Variants in MARCHF4 observed in about 807,000 individuals in gnomAD.
MARCHF4 encodes membrane associated ring-CH-type finger 4, also known as E3 ubiquitin-protein ligase MARCHF4.
In MARCHF4, 14 loss-of-function variants were observed where a neutral mutation model predicts 43.9. That is an observed-to-expected ratio of 0.32 (90% CI 0.21 to 0.50). The LOEUF is 0.50. Ranked by LOEUF, MARCHF4 falls within the 20% of genes least tolerant of loss-of-function variation. MARCHF4 has a pLI of 0.98. For missense variants in MARCHF4, 468 were observed against 536.7 expected (o/e 0.87, Z 1.27); for synonymous variants, 226 against 213.3 (o/e 1.06, Z -0.52).
intron 1 of MARCHF4, among the ~76,000 whole-genome samples, chr2:216,306,738 T>G (rs1286886239): frequency 1.3e-5 from 2 of 152,180 alleles, no homozygotes; most frequent in Non-Finnish European, 2.9e-5. Flanking sequence ...ATTTTATAGA[T>G]AAGTGAACTG....
At chr2:216,265,521 G>A (rs988126667) in intron 3 of MARCHF4, 6 of 151,518 alleles carry the variant, frequency 4.0e-5, no homozygotes, top group Non-Finnish European at 8.8e-5. Flanking sequence ...TTTTTGACAG[G>A]GTCTCTCTCT....
In MARCHF4 at chr2:216,275,651, G is replaced by A. The variant is rs187050881; in HGVS notation, c.865+2021C>T. Among the ~76,000 whole-genome samples the A allele has an allele frequency of 2.0e-3, 307 of 152,114 alleles. 2 individuals are homozygous for A. The highest frequency in any genetic ancestry group is 7.2e-3 in the African/African-American group (299 of 41,430). On this transcript the variant is annotated intron_variant, in intron 3 of 3. Transcript: ENST00000273067. ...TGGTGGTCTCTTCTATATTCAATTC[G>A]GTCTTCAAATCTGTAGAGCCATTGG... is the stretch of plus-strand genomic sequence containing the variant.
Position 216,297,968 on chromosome 2 carries a change from T to C in MARCHF4, c.517-14239A>G, listed in dbSNP as rs1310618310. The stretch of plus-strand genomic sequence containing the variant: ...TTTTGCCATGCTTTTTAGGCCTATA[T>C]TTCACTTAATTAATAGCTGGTATAT... On this transcript the variant is annotated intron_variant, in intron 1 of 3. Coordinates refer to ENST00000273067, the MANE Select transcript of MARCHF4 (RefSeq NM_020814.3). 2.6e-5 allele frequency among the ~76,000 whole-genome samples: 4 copies of C among 152,194 alleles called. No homozygotes were observed. In the East Asian group the frequency reaches 7.7e-4, roughly 29 times the overall value.
chr2:216,289,908 A>T (rs1559090766), intron 1 of MARCHF4, among the ~76,000 whole-genome samples: 1 of 152,210 alleles, frequency 6.6e-6, no homozygotes, highest in Non-Finnish European at 1.5e-5. Context: ...AATCTCAGGA[A>T]GACTTGGGTA....
At position 216,312,206 on chromosome 2, in the gene MARCHF4, A is replaced by G. The variant is rs543842556; in HGVS notation, c.517-28477T>C. On this transcript the variant is annotated intron_variant, in intron 1 of 3. Transcript: ENST00000273067. ...TGTTTAACTCCCATTTATAATTGGG[A>G]ACATGTAGTTTTCTGTGTCTGGGTT... Among the ~76,000 whole-genome samples, 6 of 152,270 alleles carry G rather than the reference A, an allele frequency of 3.9e-5. No homozygotes were observed. The East Asian group carries it at 1.2e-3, about 29-fold the overall frequency.
chr2:216,346,807 CA>C (rs1692327631), intron 1 of MARCHF4, among the ~76,000 whole-genome samples: 1 of 152,086 alleles, frequency 6.6e-6, no homozygotes, highest in African/African-American at 2.4e-5. Flanking sequence ...GAGAGGTAGG[CA>C]GAGGGCAGTT....
intron 1 of MARCHF4, among the ~76,000 whole-genome samples, chr2:216,349,393 G>A (rs1315744888): frequency 6.6e-6 from 1 of 152,190 alleles, no homozygotes; most frequent in Admixed American, 6.5e-5. Flanking sequence ...GAGCCTCTGC[G>A]ATTGCTAGGC....
At chr2:216,357,244 G>A (rs528808667) in intron 1 of MARCHF4, among the ~76,000 whole-genome samples, 3 of 152,208 alleles carry the variant, frequency 2.0e-5, no homozygotes, top group East Asian at 1.9e-4. Context: ...ATTATACATT[G>A]TATTTAATTG....
chr2:216,354,230 G>C (rs777014484), intron 1 of MARCHF4, among the ~76,000 whole-genome samples: 3 of 152,242 alleles, frequency 2.0e-5, no homozygotes, highest in Non-Finnish European at 1.5e-5. Flanking sequence ...TTTGAAATGC[G>C]GTGAGAGAGA....
chr2:216,275,257 A>G (rs1046194378), intron 3 of MARCHF4, among the ~76,000 whole-genome samples: 7 of 152,176 alleles, frequency 4.6e-5, no homozygotes, highest in African/African-American at 1.7e-4. Context: ...AAACAGGAGG[A>G]GGAGGAGAGG....
rs146193021 is a variant in MARCHF4, at chr2:216,319,177, G to A, written c.517-35448C>T. ...ACAAAAATTAGCCCAGTGTGGTGGC[G>A]GGTGCCTGTAATCCCAGCTATTTGG... On this transcript the variant is annotated intron_variant, in intron 1 of 3. Coordinates refer to ENST00000273067, the MANE Select transcript of MARCHF4 (RefSeq NM_020814.3). 1.7e-4 allele frequency among the ~76,000 whole-genome samples: 26 copies of A among 152,138 alleles called. 1 individual carries two copies. The highest frequency in any genetic ancestry group is 8.3e-4 in the South Asian group (4 of 4,812).
At position 216,370,425 on chromosome 2, in the gene MARCHF4, A is replaced by C. The variant is rs1040588392; in HGVS notation, c.-165T>G. On this transcript the variant is annotated 5_prime_UTR_variant, in exon 1 of 4. Transcript: ENST00000273067. ...AAGTAGCAAATAAATTGCTCCCAGGACTGAGAAGTGTGAGTCACTGGTTCT... is the reference window on the plus strand; with the variant it reads ...AAGTAGCAAATAAATTGCTCCCAGGCCTGAGAAGTGTGAGTCACTGGTTCT... 1.8e-6 allele frequency: 1 copy of C among 555,150 alleles called. No homozygotes were observed. Among genetic ancestry groups the C allele is most frequent in the African/African-American group, 1.9e-5 (1 of 52,636 alleles). 34.4% of individuals were successfully genotyped at this position (555,150 alleles called of 1,614,324 possible).
intron 1 of MARCHF4, among the ~76,000 whole-genome samples, chr2:216,355,966 C>G (rs1182526464): frequency 4.6e-5 from 7 of 152,242 alleles, no homozygotes; most frequent in Non-Finnish European, 1.5e-5. Context: ...TACACTCATT[C>G]ACCTGCCGCT....
chr2:216,341,306 C>T (rs1692232349), intron 1 of MARCHF4, among the ~76,000 whole-genome samples: 1 of 152,172 alleles, frequency 6.6e-6, no homozygotes, highest in Admixed American at 6.5e-5. Context: ...CTTTGGCTAC[C>T]CACAAGGCAA....
intron 1 of MARCHF4, among the ~76,000 whole-genome samples, chr2:216,350,374 T>C (rs1189000320): frequency 2.3e-5 from 3 of 130,776 alleles, no homozygotes; most frequent in Non-Finnish European, 4.8e-5. Flanking sequence ...ACTCCCTCAC[T>C]ATGCCACATC....
intron 1 of MARCHF4, among the ~76,000 whole-genome samples, chr2:216,358,984 T>G (rs1174147311): frequency 1.3e-5 from 2 of 152,212 alleles, no homozygotes. Context: ...AGATTTGGCT[T>G]CACTCAAGAA....
At chr2:216,304,475 C>T (rs1034038884) in intron 1 of MARCHF4, among the ~76,000 whole-genome samples, 1 of 152,134 alleles carries the variant, frequency 6.6e-6, no homozygotes, top group African/African-American at 2.4e-5. Flanking sequence ...TTGTAATGAC[C>T]GAGGACAAAT....
At chr2:216,294,873 G>A (rs565865205) in intron 1 of MARCHF4, among the ~76,000 whole-genome samples, 2 of 152,342 alleles carry the variant, frequency 1.3e-5, no homozygotes, top group East Asian at 3.9e-4. Flanking sequence ...GCCCAACCCT[G>A]TATGCAAGCA....
Position 216,282,028 on chromosome 2 carries a change from T to C in MARCHF4, c.672+1546A>G, listed in dbSNP as rs190329485. On this transcript the variant is annotated intron_variant, in intron 2 of 3. Transcript: ENST00000273067. ...TGGAATCTGATCCTTTCTTGAGGCT[T>C]GAGCTGGCTGAAAAGGAAGGGGAGG... 2.6e-5 allele frequency among the ~76,000 whole-genome samples: 4 copies of C among 152,246 alleles called. 1 individual carries two copies. Among genetic ancestry groups the C allele is most frequent in the African/African-American group, 9.6e-5 (4 of 41,544 alleles).
Sources: allele counts gnomAD v4.1 joint callset (sites outside exome capture counted in the v4.1 genomes callset), GRCh38; gene constraint gnomAD v4.1.1; transcripts MANE v1.5; gene names NCBI Gene and HGNC (gene_info 2026-07-23, HGNC 2026-07-21).